DYSF: variants seen among roughly 807,000 people sequenced by gnomAD.
The protein encoded by DYSF is dysferlin, also known as dystrophy-associated fer-1-like 1.
Under a neutral mutation model 274.9 loss-of-function variants are expected in DYSF, and 212 were observed. That is an observed-to-expected ratio of 0.77 (90% CI 0.69 to 0.86). The LOEUF (loss-of-function observed/expected upper bound fraction) is 0.86, where lower values mean the gene tolerates loss of function less well. Among genes scored for constraint, DYSF ranks in the 40% least tolerant of loss-of-function variants. DYSF has a pLI of 0.00. For missense variants in DYSF, 2,666 were observed against 2,783.2 expected (o/e 0.96, Z 0.95); for synonymous variants, 1,091 against 1,078.7 (o/e 1.01, Z -0.22).
chr2:71,601,623 C>T (rs867052610), intron 35 of DYSF, 95 bp downstream of exon 35: 70 of 1,535,188 alleles, frequency 4.6e-5, no homozygotes, highest in East Asian at 2.7e-4. Context: ...CAGGCATTAC[C>T]GCGATCCTGC....
Position 71,515,604 on chromosome 2 carries a change from T to A in DYSF, c.760-19T>A. 1 of 1,613,836 alleles carries A rather than the reference T, an allele frequency of 6.2e-7. No individual in the cohort carries two copies. The highest frequency in any genetic ancestry group is 1.1e-5 in the South Asian group (1 of 91,070). On this transcript the variant is annotated intron_variant, in intron 7 of 55. Transcript: ENST00000410020. ...ACTCTTCCCCCTTCCTCCTGCTCTT[T>A]CCTCCTTCTGGCTTTCAGATCAGGG...
chr2:71,573,583 G>C (rs1171294024), intron 29 of DYSF, among the ~76,000 whole-genome samples: 1 of 152,166 alleles, frequency 6.6e-6, no homozygotes, highest in Non-Finnish European at 1.5e-5. Flanking sequence ...GGCTGTGGTT[G>C]GGAAATAGGA....
At chr2:71,628,037 A>G (rs1423079056) in intron 41 of DYSF, among the ~76,000 whole-genome samples, 1 of 152,126 alleles carries the variant, frequency 6.6e-6, no homozygotes, top group Non-Finnish European at 1.5e-5. Context: ...ATGCATTCTG[A>G]CAATCTTTAC....
At chr2:71,656,132 G>A (rs985043074) in intron 42 of DYSF, 30 bp from the exon 43 acceptor site, 1 of 1,612,564 alleles carries the variant, frequency 6.2e-7, no homozygotes, top group Non-Finnish European at 8.5e-7. Flanking sequence ...TCTGTCTCTT[G>A]TCCCCTCCTC....
intron 16 of DYSF, among the ~76,000 whole-genome samples, chr2:71,537,403 C>T (rs2089491079): frequency 6.6e-6 from 1 of 151,294 alleles, no homozygotes; most frequent in African/African-American, 2.4e-5. Flanking sequence ...ACACCACCAC[C>T]CCTGGCTAAT....
chr2:71,549,454 C>G, intron 17 of DYSF: 1 of 1,534,828 alleles, frequency 6.5e-7, no homozygotes, highest in Non-Finnish European at 9.0e-7. Flanking sequence ...GCTAGAGGGG[C>G]GAGGGTGCTG....
In DYSF at chr2:71,682,733, C is replaced by G; in HGVS notation, c.6321+56C>G. ...GAACTCTGGGTCTAATGGGGGAGTT[C>G]ATCATTGTCCTCAAAGAGCTCTCCC... On this transcript the variant is annotated intron_variant, in intron 55 of 55. Coordinates refer to ENST00000410020, the MANE Select transcript of DYSF (RefSeq NM_001130987.2). The G allele has an allele frequency of 2.5e-6, 4 of 1,575,638 alleles. No individual in the cohort carries two copies. In the South Asian group the frequency reaches 4.6e-5, roughly 18 times the overall value.
At chr2:71,571,313 GCACACCCAGCACACGCACAGCT>G (rs1574070733) in intron 29 of DYSF, among the ~76,000 whole-genome samples, 1 of 130,114 alleles carries the variant, frequency 7.7e-6, no homozygotes, top group African/African-American at 3.0e-5. Flanking sequence ...ATTACACCTA[GCACACCCAGCACACGCACAGCT>G]CACACCCAGC....
chr2:71,499,567 C>T (rs538875640), intron 3 of DYSF, among the ~76,000 whole-genome samples: 1 of 152,378 alleles, frequency 6.6e-6, no homozygotes, highest in Admixed American at 6.5e-5. Context: ...CCCATGCCTC[C>T]TTCCCTTCTG....
intron 36 of DYSF, chr2:71,610,798 T>G: frequency 1.0e-5 from 3 of 288,202 alleles, no homozygotes; most frequent in Non-Finnish European, 1.4e-5. Flanking sequence ...CCCGGAAGGG[T>G]CTGAGCCAGG....
At chr2:71,664,238 G>C (rs763959749) in intron 45 of DYSF, 30 bp from the exon 46 acceptor site, 2 of 1,613,346 alleles carry the variant, frequency 1.2e-6, no homozygotes, top group South Asian at 1.1e-5. Flanking sequence ...CCCCGTGTTG[G>C]CTGACATCGG....
chr2:71,666,715 A>T (rs1170789456), intron 47 of DYSF, among the ~76,000 whole-genome samples: 1 of 152,234 alleles, frequency 6.6e-6, no homozygotes, highest in Non-Finnish European at 1.5e-5. Context: ...ACCTAGGTTC[A>T]TGCCTAGTCA....
intron 16 of DYSF, among the ~76,000 whole-genome samples, chr2:71,536,721 T>C (rs2089380930): frequency 6.6e-6 from 1 of 152,210 alleles, no homozygotes; most frequent in Non-Finnish European, 1.5e-5. Flanking sequence ...GGCATTTTTA[T>C]TGTGAGTCTA....
At chr2:71,537,223 G>GTTTTTTTTTTTTTTTT (rs71402990) in intron 16 of DYSF, among the ~76,000 whole-genome samples, 1 of 79,626 alleles carries the variant, frequency 1.3e-5, no homozygotes, top group Non-Finnish European at 2.4e-5. Flanking sequence ...TTCTAGTTTT[G>GTTTTTTTTTTTTTTTT]TTTTTTTTTT....
rs769873428 is a variant in DYSF, at chr2:71,667,490, G to GC, written c.5437dup (p.Leu1813ProfsTer54). ...CACGTGGAGTCACGGCCCCTCTACAGCCCCCTGCAGCCAGACATCGAGCAG... is the reference window on the plus strand; with the variant it reads ...CACGTGGAGTCACGGCCCCTCTACAGCCCCCCTGCAGCCAGACATCGAGCAG... On this transcript the variant is annotated frameshift_variant, in exon 48 of 56. Transcript: ENST00000410020. LOFTEE classifies it high-confidence loss of function. 1.2e-6 allele frequency: 2 copies of GC among 1,614,124 alleles called. No homozygotes were observed. The highest frequency in any genetic ancestry group is 1.3e-5 in the African/African-American group (1 of 75,032).
chr2:71,587,710 C>T (rs1002396807), intron 30 of DYSF, among the ~76,000 whole-genome samples: 1 of 152,216 alleles, frequency 6.6e-6, no homozygotes, highest in South Asian at 2.1e-4. Context: ...CAAAGTCACA[C>T]AGCCAGTAGT....
intron 46 of DYSF, among the ~76,000 whole-genome samples, chr2:71,664,879 C>T (rs2094966520): frequency 6.6e-6 from 1 of 152,212 alleles, no homozygotes; most frequent in African/African-American, 2.4e-5. Context: ...CACCCCTCTT[C>T]CCACCATCTC....
intron 42 of DYSF, among the ~76,000 whole-genome samples, chr2:71,652,430 A>G (rs927448789): frequency 6.6e-6 from 1 of 152,232 alleles, no homozygotes; most frequent in African/African-American, 2.4e-5. Context: ...GATGGCAGCA[A>G]CTATTTAGAA....
upstream of DYSF, among the ~76,000 whole-genome samples, chr2:71,465,730 T>C (rs565032346): frequency 6.6e-6 from 1 of 152,226 alleles, no homozygotes; most frequent in East Asian, 1.9e-4. Context: ...ACTTGGGCGG[T>C]GGGAAGACGG....
Sources: allele counts gnomAD v4.1 joint callset (sites outside exome capture counted in the v4.1 genomes callset), GRCh38; gene constraint gnomAD v4.1.1; transcripts MANE v1.5; gene names NCBI Gene and HGNC (gene_info 2026-07-23, HGNC 2026-07-21).